MAP4K4: variants seen among roughly 807,000 people sequenced by gnomAD.
MAP4K4 encodes mitogen-activated protein kinase kinase kinase kinase 4.
In MAP4K4, 38 loss-of-function variants were observed where a neutral mutation model predicts 189.6. The ratio of observed to expected loss-of-function variants is 0.20; its 90% CI spans 0.15 to 0.26. The LOEUF (loss-of-function observed/expected upper bound fraction) is 0.26, where lower values mean the gene tolerates loss of function less well. Among genes scored for constraint, MAP4K4 ranks in the 10% least tolerant of loss-of-function variants. The probability of loss-of-function intolerance (pLI) is 1.00; values close to 1 mark genes in which losing one functional copy is unlikely to be tolerated. For missense variants in MAP4K4, 1,054 were observed against 1,726.9 expected (o/e 0.61, Z 6.91); for synonymous variants, 610 against 624.3 (o/e 0.98, Z 0.34).
chr2:101,882,210 C>A (rs769704631), intron 27 of MAP4K4, among the ~76,000 whole-genome samples: 57 of 152,316 alleles, frequency 3.7e-4, no homozygotes, highest in Non-Finnish European at 6.2e-4. Context: ...TGTATGAAAT[C>A]ATCTTATTAC....
intron 28 of MAP4K4, among the ~76,000 whole-genome samples, chr2:101,883,334 ACT>A (rs1163419582): frequency 2.7e-5 from 4 of 150,508 alleles, no homozygotes; most frequent in South Asian, 2.1e-4. Context: ...CAAAACCAAA[ACT>A]CTTTTTTTTT....
intron 12 of MAP4K4, among the ~76,000 whole-genome samples, chr2:101,849,410 T>C (rs1158904179): frequency 1.3e-5 from 2 of 152,194 alleles, no homozygotes; most frequent in Non-Finnish European, 2.9e-5. Flanking sequence ...ATTACAGGCA[T>C]GAGCCACTGT....
exon 16 of MAP4K4, chr2:101,860,972 C>G (rs1270986332): frequency 3.1e-6 from 5 of 1,598,450 alleles, no homozygotes; most frequent in Non-Finnish European, 4.3e-6. Flanking sequence ...CCTGCAGAGA[C>G]CAGCGGAGCC....
At chr2:101,879,126 T>C (rs372655884) in intron 27 of MAP4K4, among the ~76,000 whole-genome samples, 2 of 142,236 alleles carry the variant, frequency 1.4e-5, no homozygotes, top group African/African-American at 5.3e-5. Context: ...GCCTGGGATA[T>C]CGAGGCTGCA....
At chr2:101,851,613 T>C (rs576518260) in intron 12 of MAP4K4, among the ~76,000 whole-genome samples, 55 of 152,136 alleles carry the variant, frequency 3.6e-4, no homozygotes, top group Non-Finnish European at 5.9e-4. Context: ...ATTGAGGGCC[T>C]ATTCTGAATG....
chr2:101,815,528 CCT>C (rs746668552), intron 3 of MAP4K4, among the ~76,000 whole-genome samples: 7 of 152,062 alleles, frequency 4.6e-5, no homozygotes, highest in Non-Finnish European at 1.0e-4. Context: ...TCTTTCCCCC[CCT>C]CTCTCATATG....
chr2:101,754,864 G>A (rs559630976), intron 2 of MAP4K4, among the ~76,000 whole-genome samples: 277 of 152,302 alleles, frequency 1.8e-3, no homozygotes, highest in Middle Eastern at 6.8e-3. Flanking sequence ...ATGGAAGGCA[G>A]GCAAGTGTGA....
At chr2:101,855,998 G>T in exon 13 of MAP4K4, 4 of 1,550,716 alleles carry the variant, frequency 2.6e-6, no homozygotes, top group Non-Finnish European at 2.6e-6. Flanking sequence ...AGAGCGGGAA[G>T]CTAGAAGGCA....
In MAP4K4 at chr2:101,870,278, G is replaced by A; in HGVS notation, c.2640-17G>A. ...CCAGAGATTAAGGCCTTTCACGTCT[G>A]GATTTTTTCTCCATAGGTCATCTCT... On this transcript the variant is annotated splice_polypyrimidine_tract_variant and intron_variant, in intron 22 of 32. Coordinates refer to ENST00000324219, the Ensembl canonical transcript of MAP4K4. The A allele has an allele frequency of 6.2e-7, 1 of 1,610,932 alleles. No individual in the cohort carries two copies. Among genetic ancestry groups the A allele is most frequent in the South Asian group, 1.1e-5 (1 of 90,360 alleles).
chr2:101,772,066 T>G (rs1332676908), intron 2 of MAP4K4, among the ~76,000 whole-genome samples: 1 of 152,238 alleles, frequency 6.6e-6, no homozygotes, highest in Non-Finnish European at 1.5e-5. Flanking sequence ...GCTGTGTGAT[T>G]GTTCTGCCAG....
At chr2:101,800,343 C>T (rs2094245781) in intron 3 of MAP4K4, among the ~76,000 whole-genome samples, 3 of 152,182 alleles carry the variant, frequency 2.0e-5, no homozygotes, top group African/African-American at 7.2e-5. Flanking sequence ...AGCAGTCCTC[C>T]TGCCTTGGCT....
chr2:101,741,314 C>A (rs2062725030), intron 2 of MAP4K4, among the ~76,000 whole-genome samples: 1 of 151,842 alleles, frequency 6.6e-6, no homozygotes, highest in East Asian at 1.9e-4. Context: ...ACTACAGGCG[C>A]CCGCCACCAT....
chr2:101,709,567 T>A (rs1435686382), intron 2 of MAP4K4, among the ~76,000 whole-genome samples: 1 of 152,204 alleles, frequency 6.6e-6, no homozygotes, highest in Non-Finnish European at 1.5e-5. Context: ...AACTATTCAC[T>A]ATCAGCGAGG....
intron 3 of MAP4K4, among the ~76,000 whole-genome samples, chr2:101,806,073 C>T (rs143085320): frequency 3.3e-5 from 5 of 152,146 alleles, no homozygotes; most frequent in African/African-American, 4.8e-5. Context: ...ATACCCTGCT[C>T]CTGTCCCTAC....
At chr2:101,762,859 AAT>A (rs915514876) in intron 2 of MAP4K4, among the ~76,000 whole-genome samples, 1 of 152,172 alleles carries the variant, frequency 6.6e-6, no homozygotes, top group Admixed American at 6.5e-5. Context: ...TATGGAAAGC[AAT>A]AGTCTGCTTT....
At chr2:101,799,386 A>G (rs1459510245) in intron 3 of MAP4K4, among the ~76,000 whole-genome samples, 1 of 152,070 alleles carries the variant, frequency 6.6e-6, no homozygotes, top group East Asian at 1.9e-4. Flanking sequence ...AAACACTCCC[A>G]ATACCCTCCT....
intron 2 of MAP4K4, among the ~76,000 whole-genome samples, chr2:101,747,833 A>G (rs2066440831): frequency 6.6e-6 from 1 of 152,362 alleles, no homozygotes; most frequent in South Asian, 2.1e-4. Context: ...TAATCTTTAC[A>G]GCAGCCTTTG....
intron 15 of MAP4K4, 79 bp downstream of exon 15, chr2:101,859,943 C>T (rs781355561): frequency 3.7e-6 from 5 of 1,344,862 alleles, no homozygotes; most frequent in Non-Finnish European, 5.2e-6. Context: ...CATATGAGTT[C>T]TAGAACGGGC....
At chr2:101,877,087 G>A in exon 27 of MAP4K4, 2 of 1,613,966 alleles carry the variant, frequency 1.2e-6, no homozygotes, top group Non-Finnish European at 1.7e-6. Context: ...CTTATCAACC[G>A]AAGACGATTT....
Sources: allele counts gnomAD v4.1 joint callset (sites outside exome capture counted in the v4.1 genomes callset), GRCh38; gene constraint gnomAD v4.1.1; transcripts MANE v1.5; gene names NCBI Gene and HGNC (gene_info 2026-07-23, HGNC 2026-07-21).